RORA: variants seen among roughly 807,000 people sequenced by gnomAD.
RORA encodes RAR related orphan receptor A.
RORA carries 7 observed loss-of-function variants against 69.5 expected under a neutral mutation model. That is an observed-to-expected ratio of 0.10 (90% CI 0.06 to 0.19). RORA has a LOEUF of 0.19. RORA is among the 10% of genes least tolerant of loss of function. RORA has a pLI of 1.00. For synonymous variants in RORA, 261 were observed against 240.8 expected (o/e 1.08, Z -0.78); for missense variants, 457 against 663.0 (o/e 0.69, Z 3.41).
rs533965311 is a variant in RORA at position 60,639,867 on chromosome 15, T to C, written c.196+38790A>G. On this transcript the variant is annotated intron_variant, in intron 2 of 10. Coordinates refer to ENST00000335670, the MANE Select transcript of RORA (RefSeq NM_134261.3). ...TGGGAAGATGTGCAGTTGATGATGG[T>C]ATTTGCTTACAATGTCATAAAGCAT... Among the ~76,000 whole-genome samples the C allele has an allele frequency of 8.5e-5, 13 of 152,316 alleles. No homozygotes were observed. The South Asian group carries it at 2.7e-3, about 32-fold the overall frequency.
chr15:60,570,140 G>A (rs547736455), intron 2 of RORA, among the ~76,000 whole-genome samples: 4 of 152,128 alleles, frequency 2.6e-5, no homozygotes, highest in South Asian at 2.1e-4. Context: ...AGCCGATCAC[G>A]GGCCATCAGT....
At chr15:61,109,848 C>A (rs930542566) in intron 1 of RORA, among the ~76,000 whole-genome samples, 2 of 152,188 alleles carry the variant, frequency 1.3e-5, no homozygotes, top group African/African-American at 2.4e-5. Flanking sequence ...GCTTGATCCA[C>A]AATAACAGTG....
intron 3 of RORA, among the ~76,000 whole-genome samples, chr15:60,525,327 C>T (rs566452316): frequency 6.6e-6 from 1 of 152,268 alleles, no homozygotes; most frequent in South Asian, 2.1e-4. Context: ...GTGGGTGTGG[C>T]TGGGAAGGTG....
At position 60,531,292 on chromosome 15, in the gene RORA, G is replaced by A. The variant is rs2066518559; in HGVS notation, c.282+474C>T. ...ACATTCAAAACAATATGGACAAGTGGAGGCAATAGGACTGGAACTCAGGTC... is the reference window on the plus strand; with the variant it reads ...ACATTCAAAACAATATGGACAAGTGAAGGCAATAGGACTGGAACTCAGGTC... On this transcript the variant is annotated intron_variant, in intron 3 of 10. Transcript: ENST00000335670. This position sits in a 1 kb window ranked among gnomAD's most constrained non-coding sequence, Gnocchi z 4.8. 6.3e-6 allele frequency: 1 copy of A among 158,064 alleles called. No individual in the cohort carries two copies. The highest frequency in any genetic ancestry group is 1.4e-5 in the Non-Finnish European group (1 of 72,576). The allele number at this position is 158,064 out of a possible 1,614,324, so 9.8% of individuals were successfully genotyped here.
intron 1 of RORA, among the ~76,000 whole-genome samples, chr15:60,828,457 A>G (rs1004060898): frequency 2.0e-5 from 3 of 152,194 alleles, no homozygotes; most frequent in Non-Finnish European, 4.4e-5. Flanking sequence ...GTGCACGTAA[A>G]GTCTGGATTT....
rs1050722298 is a variant in RORA, at chr15:60,537,500, C to T, written c.197-5649G>A. Among the ~76,000 whole-genome samples the T allele has an allele frequency of 2.0e-5, 3 of 152,206 alleles. No homozygotes were observed. Among genetic ancestry groups the T allele is most frequent in the African/African-American group, 7.2e-5 (3 of 41,434 alleles). ...CAGGGAGCAACATGCTTTCTCTCCA[C>T]TCTGCCATGGGAGGCCCCAGGACAC... On this transcript the variant is annotated intron_variant, in intron 2 of 10. Coordinates refer to ENST00000335670, the MANE Select transcript of RORA (RefSeq NM_134261.3). This position sits in a 1 kb window ranked among gnomAD's most constrained non-coding sequence, Gnocchi z 4.9.
chr15:60,734,616 C>A (rs534041199), intron 1 of RORA, among the ~76,000 whole-genome samples: 16 of 152,242 alleles, frequency 1.1e-4, no homozygotes, highest in Middle Eastern at 3.4e-3. Flanking sequence ...TTTCTTGGGA[C>A]CCCGACCTCT....
intron 1 of RORA, among the ~76,000 whole-genome samples, chr15:60,941,029 G>C (rs1892680053): frequency 6.6e-6 from 1 of 152,218 alleles, no homozygotes; most frequent in South Asian, 2.1e-4. Flanking sequence ...TGTGATAGCA[G>C]ACCTGCAAGA....
chr15:60,660,343 TA>T (rs1342278804), intron 2 of RORA, among the ~76,000 whole-genome samples: 1 of 152,190 alleles, frequency 6.6e-6, no homozygotes, highest in African/African-American at 2.4e-5. Flanking sequence ...CCCAAATGCA[TA>T]AATGATTTAG....
intron 1 of RORA, among the ~76,000 whole-genome samples, chr15:60,719,674 T>C (rs925640008): frequency 7.2e-5 from 11 of 152,198 alleles, no homozygotes; most frequent in Admixed American, 4.6e-4. Flanking sequence ...AAAAGCTACG[T>C]CCTGCTGCTG....
intron 1 of RORA, among the ~76,000 whole-genome samples, chr15:60,914,045 A>G (rs1891803176): frequency 6.6e-6 from 1 of 152,148 alleles, no homozygotes; most frequent in Non-Finnish European, 1.5e-5. Context: ...AGTGTATACC[A>G]TGGTGTCTGG....
intron 3 of RORA, among the ~76,000 whole-genome samples, chr15:60,515,295 C>T (rs1345713147): frequency 1.3e-5 from 2 of 152,196 alleles, no homozygotes; most frequent in African/African-American, 2.4e-5. Context: ...CTATCGCAAG[C>T]ATTAGATAAC....
chr15:60,537,177 C>T lies in RORA; in HGVS notation c.197-5326G>A, dbSNP rs2066707012. Among the ~76,000 whole-genome samples, 1 of 152,216 alleles carries T rather than the reference C, an allele frequency of 6.6e-6. No individual in the cohort carries two copies. Among genetic ancestry groups the T allele is most frequent in the Non-Finnish European group, 1.5e-5 (1 of 68,032 alleles). ...GTTAGCCGGGGGAGAGCTGCAGAGT[C>T]TTCACCTTATTCCCTGGAGGGACTT... On this transcript the variant is annotated intron_variant, in intron 2 of 10. Coordinates refer to ENST00000335670, the MANE Select transcript of RORA (RefSeq NM_134261.3). The surrounding 1 kb of genome is among the most constrained non-coding windows in gnomAD (Gnocchi z 4.9).
At chr15:60,791,827 A>T (rs341440) in intron 1 of RORA, among the ~76,000 whole-genome samples, 1 of 152,230 alleles carries the variant, frequency 6.6e-6, no homozygotes, top group African/African-American at 2.4e-5. Flanking sequence ...TAAAGCAAAA[A>T]TTATTTTCAG....
At chr15:60,507,708 A>G (rs1033455419) in intron 5 of RORA, among the ~76,000 whole-genome samples, 2 of 152,166 alleles carry the variant, frequency 1.3e-5, no homozygotes, top group South Asian at 2.1e-4. Context: ...CTCTCACTAT[A>G]TAAGGTCGTT....
intron 1 of RORA, among the ~76,000 whole-genome samples, chr15:61,184,637 T>G (rs1157132136): frequency 6.6e-6 from 1 of 151,776 alleles, no homozygotes; most frequent in Non-Finnish European, 1.5e-5. Context: ...CCTAGGGGAG[T>G]ACTTGGCATA....
At chr15:60,874,269 T>C (rs2073590103) in intron 1 of RORA, among the ~76,000 whole-genome samples, 1 of 152,212 alleles carries the variant, frequency 6.6e-6, no homozygotes, top group Non-Finnish European at 1.5e-5. Flanking sequence ...ATAGTTGAAG[T>C]TAGAAACAAA....
At chr15:60,881,156 C>A (rs929852954) in intron 1 of RORA, among the ~76,000 whole-genome samples, 1 of 152,228 alleles carries the variant, frequency 6.6e-6, no homozygotes, top group African/African-American at 2.4e-5. Context: ...CTGCACCTTT[C>A]TTATTGTCAG....
At chr15:60,851,166 A>G (rs1285743593) in intron 1 of RORA, among the ~76,000 whole-genome samples, 2 of 152,224 alleles carry the variant, frequency 1.3e-5, no homozygotes, top group Admixed American at 6.5e-5. Flanking sequence ...ATATACACAC[A>G]TAAATAGAAA....
Sources: gnomAD v4.1 joint callset for allele counts (sites outside exome capture counted in the v4.1 genomes callset) on GRCh38, gnomAD v4.1.1 for gene constraint, Gnocchi (gnomAD v3.1) non-coding constraint, MANE v1.5 for transcripts, NCBI Gene and HGNC (gene_info 2026-07-23, HGNC 2026-07-21) for gene names.